RBM33: variants seen among roughly 807,000 people sequenced by gnomAD.
The protein encoded by RBM33 is RNA binding motif protein 33.
A neutral mutation model predicts 132.6 loss-of-function variants in RBM33; 28 were observed. The ratio of observed to expected loss-of-function variants is 0.21; its 90% confidence interval spans 0.16 to 0.29. The LOEUF (loss-of-function observed/expected upper bound fraction) is 0.29, where lower values mean the gene tolerates loss of function less well. Among genes scored for constraint, RBM33 ranks in the 10% least tolerant of loss-of-function variants. The probability of loss-of-function intolerance (pLI) is 1.00; values close to 1 mark genes in which losing one functional copy is unlikely to be tolerated. For missense variants in RBM33, 1,291 were observed against 1,518.5 expected, an observed-to-expected ratio of 0.85 and a Z score of 2.49; for synonymous variants, 634 against 593.0, an observed-to-expected ratio of 1.07 and a Z score of -1.01.
At position 155,644,865 on chromosome 7, in the gene RBM33, C is replaced by A; in HGVS notation, c.-12C>A. 1.3e-6 allele frequency: 2 copies of A among 1,489,882 alleles called. No individual in the cohort carries two copies. The highest frequency in any genetic ancestry group is 1.5e-5 in the African/African-American group (1 of 68,948). The allele number at this position is 1,489,882 out of a possible 1,614,324, so 92.3% of individuals were successfully genotyped here. Reference sequence around the variant, plus strand: ...TGGTGGGGGAGGCTGAAGGCCGGGCCCCGCGAGTGCCATGGCGGCCGCCCT... The same window carrying A: ...TGGTGGGGGAGGCTGAAGGCCGGGCACCGCGAGTGCCATGGCGGCCGCCCT... On this transcript the variant is annotated 5_prime_UTR_variant, in exon 1 of 18. Coordinates refer to ENST00000401878, the MANE Select transcript of RBM33 (RefSeq NM_053043.3).
chr7:155,730,148 A>G (rs1304724004), intron 9 of RBM33, among the ~76,000 whole-genome samples: 1 of 152,242 alleles, frequency 6.6e-6, no homozygotes, highest in African/African-American at 2.4e-5. Context: ...ATTGATGTGT[A>G]AGACAGGCCT....
At chr7:155,682,557 A>G (rs1286236893) in intron 5 of RBM33, among the ~76,000 whole-genome samples, 4 of 152,184 alleles carry the variant, frequency 2.6e-5, no homozygotes, top group African/African-American at 9.6e-5. Context: ...AAGTAAGATG[A>G]TTGGCTAATC....
intron 14 of RBM33, among the ~76,000 whole-genome samples, chr7:155,762,924 TTGCTGTTCTTTCCCAGCCTTC>T: frequency 6.6e-6 from 1 of 152,360 alleles, no homozygotes; most frequent in Admixed American, 6.5e-5. Flanking sequence ...TCTGCCGTCC[TTGCTGTTCTTTCCCAGCCTTC>T]AGCTGTTCTT....
At chr7:155,693,198 G>A (rs1183353153) in intron 5 of RBM33, among the ~76,000 whole-genome samples, 2 of 152,094 alleles carry the variant, frequency 1.3e-5, no homozygotes, top group Non-Finnish European at 2.9e-5. Context: ...TTTTTTTACT[G>A]TAAGCGAGAA....
At chr7:155,734,077 C>T (rs1036871769) in intron 9 of RBM33, among the ~76,000 whole-genome samples, 4 of 152,222 alleles carry the variant, frequency 2.6e-5, no homozygotes, top group African/African-American at 7.2e-5. Flanking sequence ...TGCCTGGCTG[C>T]ACTAGTGCCA....
chr7:155,709,777 G>T (rs770788580), intron 7 of RBM33, among the ~76,000 whole-genome samples: 1 of 152,220 alleles, frequency 6.6e-6, no homozygotes, highest in African/African-American at 2.4e-5. Flanking sequence ...GATGTGATGA[G>T]TTAAGGAGGG....
intron 1 of RBM33, among the ~76,000 whole-genome samples, chr7:155,647,763 T>C (rs1021647303): frequency 6.6e-6 from 1 of 152,192 alleles, no homozygotes; most frequent in Non-Finnish European, 1.5e-5. Context: ...AGCCAAGTAG[T>C]AAGGATAGAG....
intron 5 of RBM33, among the ~76,000 whole-genome samples, chr7:155,699,473 C>T (rs1217149976): frequency 6.6e-6 from 1 of 152,196 alleles, no homozygotes; most frequent in East Asian, 1.9e-4. Context: ...TGGTGCAGCA[C>T]GTACCTTGCA....
intron 1 of RBM33, 90 bp downstream of exon 1, chr7:155,645,009 G>C (rs1017176939): frequency 5.5e-5 from 54 of 977,472 alleles, no homozygotes; most frequent in Middle Eastern, 2.1e-4. Context: ...AGGAGAGGAC[G>C]AGGCTCTCCC....
chr7:155,649,169 C>G (rs1041027263), intron 1 of RBM33, among the ~76,000 whole-genome samples: 36 of 152,164 alleles, frequency 2.4e-4, no homozygotes, highest in Non-Finnish European at 1.0e-4. Context: ...TTTTAAGGCT[C>G]TGCTTATTTT....
intron 5 of RBM33, among the ~76,000 whole-genome samples, chr7:155,697,123 G>A (rs1205342636): frequency 6.6e-6 from 1 of 152,156 alleles, no homozygotes; most frequent in Non-Finnish European, 1.5e-5. Flanking sequence ...GTCACTAAGT[G>A]TAGGCTACCT....
chr7:155,755,400 T>A (rs1376786092), intron 14 of RBM33, among the ~76,000 whole-genome samples: 1 of 152,266 alleles, frequency 6.6e-6, no homozygotes, highest in East Asian at 1.9e-4. Context: ...GCAATTAATC[T>A]TTTAGAGGTT....
In RBM33 at chr7:155,773,297, G is replaced by A. The variant is rs919296178; in HGVS notation, c.3376-1262G>A. 1.6e-4 allele frequency among the ~76,000 whole-genome samples: 24 copies of A among 152,228 alleles called. 1 individual carries two copies. The highest frequency in any genetic ancestry group is 1.5e-3 in the Admixed American group (23 of 15,286). ...AGAAGAATCGGGCACCAGGTGCGGTGGCTCATGCCTGTAATCCCAGCACTT... is the reference window on the plus strand; with the variant it reads ...AGAAGAATCGGGCACCAGGTGCGGTAGCTCATGCCTGTAATCCCAGCACTT... On this transcript the variant is annotated intron_variant, in intron 16 of 17. Transcript: ENST00000401878.
At chr7:155,686,322 G>A (rs1049924648) in intron 5 of RBM33, among the ~76,000 whole-genome samples, 12 of 152,116 alleles carry the variant, frequency 7.9e-5, no homozygotes, top group African/African-American at 2.7e-4. Context: ...TAATTTAGGC[G>A]GAAGACATCT....
rs1802590762 is a variant in RBM33 at position 155,775,885 on chromosome 7, A to G, written c.*844A>G. 1 of 152,276 alleles carries G rather than the reference A, an allele frequency of 6.6e-6. No homozygotes were observed. The highest frequency in any genetic ancestry group is 1.5e-5 in the Non-Finnish European group (1 of 68,078). 9.4% of individuals were successfully genotyped at this position (152,276 alleles called of 1,614,324 possible). ...GTTTTTTTCCTTTTTAAATGCAGTA[A>G]GGTGGCCTGTTTATCACTGGCTCTG... On this transcript the variant is annotated 3_prime_UTR_variant, in exon 18 of 18. Transcript: ENST00000401878.
At chr7:155,771,128 T>C (rs1802413449) in intron 16 of RBM33, among the ~76,000 whole-genome samples, 1 of 152,184 alleles carries the variant, frequency 6.6e-6, no homozygotes, top group Non-Finnish European at 1.5e-5. Context: ...CATAGGTCAG[T>C]ATGTAGACTT....
intron 1 of RBM33, among the ~76,000 whole-genome samples, chr7:155,652,714 AGGTC>A (rs1798389244): frequency 6.6e-6 from 1 of 152,194 alleles, no homozygotes; most frequent in South Asian, 2.1e-4. Context: ...CCAGGTAAGG[AGGTC>A]ATTGACCTCT....
chr7:155,659,642 GC>G (rs1798587775), intron 1 of RBM33, among the ~76,000 whole-genome samples: 1 of 152,014 alleles, frequency 6.6e-6, no homozygotes, highest in South Asian at 2.1e-4. Context: ...ACCCACGAGA[GC>G]AAGAAATTGA....
rs1013206806 is a variant in RBM33 at position 155,778,757 on chromosome 7, T to C, written c.*3716T>C. 1 of 152,442 alleles carries C rather than the reference T, an allele frequency of 6.6e-6. No homozygotes were observed. The highest frequency in any genetic ancestry group is 1.5e-5 in the Non-Finnish European group (1 of 68,140). The allele number at this position is 152,442 out of a possible 1,614,324, so 9.4% of individuals were successfully genotyped here. On this transcript the variant is annotated 3_prime_UTR_variant, in exon 18 of 18. Coordinates refer to ENST00000401878, the MANE Select transcript of RBM33 (RefSeq NM_053043.3). The surrounding 1 kb of genome is among the most constrained non-coding windows in gnomAD (Gnocchi z 4.0). ...TGTTTTCTTTTGGCTTTTGTTGTTT[T>C]TGTTTTGTTCTGTTTGTTTTGTTTT... is the stretch of plus-strand genomic sequence containing the variant.
Sources: gnomAD v4.1 joint callset for allele counts (sites outside exome capture counted in the v4.1 genomes callset) on GRCh38, gnomAD v4.1.1 for gene constraint, Gnocchi (gnomAD v3.1) non-coding constraint, MANE v1.5 for transcripts, NCBI Gene and HGNC (gene_info 2026-07-23, HGNC 2026-07-21) for gene names.